Variants in WWOX observed in about 807,000 individuals in gnomAD.
WWOX encodes WW domain containing oxidoreductase, also known as WW domain-containing oxidoreductase.
WWOX carries 69 observed loss-of-function variants against 46.2 expected under a neutral mutation model. The observed-to-expected ratio is 1.49, with a 90% CI of 1.23 to 1.82. WWOX has a LOEUF of 1.82. Ranked by LOEUF, WWOX falls within the 40% of genes most tolerant of loss-of-function variation. The pLI is 0.00. For synonymous variants in WWOX, 359 were observed against 202.6 expected (o/e 1.77, Z -6.56); for missense variants, 919 against 542.6 (o/e 1.69, Z -6.89).
At chr16:78,223,020 C>T (rs1210056046) in intron 5 of WWOX, among the ~76,000 whole-genome samples, 2 of 152,140 alleles carry the variant, frequency 1.3e-5, no homozygotes, top group African/African-American at 4.8e-5. Flanking sequence ...CTTTCAGTCT[C>T]AGGAGATTCT....
intron 5 of WWOX, among the ~76,000 whole-genome samples, chr16:78,358,613 G>A (rs8053900): frequency 0.05 from 7,609 of 152,154 alleles, 220 homozygotes; most frequent in East Asian, 0.1. Context: ...AGCCGAGATA[G>A]TTCTACTGCA....
At chr16:78,909,956 G>A (rs542437877) in intron 8 of WWOX, among the ~76,000 whole-genome samples, 1 of 152,182 alleles carries the variant, frequency 6.6e-6, no homozygotes, top group East Asian at 1.9e-4. Context: ...TCTCTCCCTG[G>A]TACATAAAAG....
chr16:79,119,596 C>G (rs763567648), intron 8 of WWOX, among the ~76,000 whole-genome samples: 7 of 152,154 alleles, frequency 4.6e-5, no homozygotes, highest in Non-Finnish European at 1.0e-4. Context: ...AACAAGGCAA[C>G]TAAGGCATGG....
chr16:79,144,701 AC>A (rs1597415848), intron 8 of WWOX, among the ~76,000 whole-genome samples: 1 of 152,142 alleles, frequency 6.6e-6, no homozygotes, highest in East Asian at 1.9e-4. Flanking sequence ...AATTTTATTG[AC>A]CTAATGTTCT....
At chr16:78,604,065 G>T (rs2738549) in intron 8 of WWOX, among the ~76,000 whole-genome samples, 110,199 of 151,948 alleles carry the variant, frequency 0.73, 40,705 homozygotes, top group Admixed American at 0.8. Flanking sequence ...GATCGCTTGA[G>T]CCCGGGAGGT....
intron 8 of WWOX, among the ~76,000 whole-genome samples, chr16:78,800,247 C>G (rs1300451771): frequency 6.8e-6 from 1 of 146,476 alleles, no homozygotes; most frequent in South Asian, 2.2e-4. Flanking sequence ...TGTTCCATGG[C>G]AAAAAAAAAA....
At chr16:78,638,160 A>C (rs544206268) in intron 8 of WWOX, among the ~76,000 whole-genome samples, 4 of 152,294 alleles carry the variant, frequency 2.6e-5, no homozygotes, top group East Asian at 1.9e-4. Context: ...TCCCATGGCA[A>C]TTATTTTACA....
chr16:78,121,383 A>G (rs945426535), intron 4 of WWOX, among the ~76,000 whole-genome samples: 4 of 152,196 alleles, frequency 2.6e-5, no homozygotes, highest in Admixed American at 6.5e-5. Context: ...AAAGTCCTTA[A>G]ATGACATTAT....
intron 6 of WWOX, among the ~76,000 whole-genome samples, chr16:78,415,483 C>G (rs999120877): frequency 4.6e-5 from 7 of 152,046 alleles, no homozygotes; most frequent in South Asian, 2.1e-4. Flanking sequence ...GGAATGCAGC[C>G]CAGTAGGTCT....
At chr16:78,432,869 C>A in intron 8 of WWOX, 117 bp downstream of exon 8, 1 of 1,500,756 alleles carries the variant, frequency 6.7e-7, no homozygotes, top group Non-Finnish European at 9.2e-7. Flanking sequence ...ATAACATTGT[C>A]CAGCCCATCA....
intron 8 of WWOX, among the ~76,000 whole-genome samples, chr16:78,484,036 T>A (rs1461255259): frequency 6.6e-6 from 1 of 152,206 alleles, no homozygotes; most frequent in Non-Finnish European, 1.5e-5. Context: ...AAGGGTCAGT[T>A]ATAGATAAGT....
chr16:78,452,301 A>G (rs796603905), intron 8 of WWOX, among the ~76,000 whole-genome samples: 1 of 151,174 alleles, frequency 6.6e-6, no homozygotes, highest in African/African-American at 2.4e-5. Flanking sequence ...GATTTTTTCA[A>G]TTTTTTTTTA....
At chr16:78,387,401 T>G (rs2082082218) in intron 6 of WWOX, among the ~76,000 whole-genome samples, 2 of 152,190 alleles carry the variant, frequency 1.3e-5, no homozygotes, top group Non-Finnish European at 2.9e-5. Flanking sequence ...TTTGATGTGG[T>G]ACATGGATGT....
intron 5 of WWOX, among the ~76,000 whole-genome samples, chr16:78,305,568 C>G (rs1352898073): frequency 6.6e-6 from 1 of 152,030 alleles, no homozygotes; most frequent in Non-Finnish European, 1.5e-5. Context: ...CAGACCATTC[C>G]CGTTCCAGTC....
chr16:79,063,714 T>C (rs1303252744), intron 8 of WWOX, among the ~76,000 whole-genome samples: 3 of 152,030 alleles, frequency 2.0e-5, no homozygotes, highest in Non-Finnish European at 2.9e-5. Flanking sequence ...CTGTGAAAAA[T>C]CCACAGGTCT....
chr16:78,462,821 G>C (rs1329899439), intron 8 of WWOX, among the ~76,000 whole-genome samples: 1 of 152,216 alleles, frequency 6.6e-6, no homozygotes, highest in South Asian at 2.1e-4. Flanking sequence ...GAGGCAGCGG[G>C]CACTGGGGCA....
In WWOX at chr16:78,338,086, G is replaced by A. The variant is rs1200410837; in HGVS notation, c.517-48774G>A. On this transcript the variant is annotated intron_variant, in intron 5 of 8. Transcript: ENST00000566780. ...TGACAGATCAAAAGCCTTCTGGAAA[G>A]GAGAGATGGTAACTAATTTAGGCAG... Among the ~76,000 whole-genome samples, 2 of 121,242 alleles carry A rather than the reference G, an allele frequency of 1.6e-5. 1 individual carries two copies. 79.5% of individuals were successfully genotyped at this position (121,242 alleles called of 152,430 possible).
intron 8 of WWOX, among the ~76,000 whole-genome samples, chr16:79,029,733 T>A (rs2047716330): frequency 6.6e-6 from 1 of 152,240 alleles, no homozygotes; most frequent in African/African-American, 2.4e-5. Flanking sequence ...ATTTTTAATA[T>A]TTCCTTTTAG....
At chr16:78,214,340 T>TG (rs11448253) in intron 5 of WWOX, among the ~76,000 whole-genome samples, 125,416 of 151,332 alleles carry the variant, frequency 0.83, 52,313 homozygotes, top group African/African-American at 0.96. Flanking sequence ...CTGTAAAAGG[T>TG]GTTGGTTTGT....
Sources: gnomAD v4.1 joint callset for allele counts (sites outside exome capture counted in the v4.1 genomes callset) on GRCh38, gnomAD v4.1.1 for gene constraint, MANE v1.5 for transcripts, NCBI Gene and HGNC (gene_info 2026-07-23, HGNC 2026-07-21) for gene names.